The following HDHD5 variants were observed in gnomAD, a reference collection of about 807,000 sequenced individuals.
The protein encoded by HDHD5 is haloacid dehalogenase-like hydrolase domain-containing 5.
In HDHD5, 34 loss-of-function variants were observed where a neutral mutation model predicts 35.5. The ratio of observed to expected loss-of-function variants is 0.96; its 90% CI spans 0.73 to 1.28. HDHD5 has a LOEUF of 1.28. Ranked by LOEUF, HDHD5 falls within the 50% of genes most tolerant of loss-of-function variation. HDHD5 has a pLI of 0.00. For synonymous variants in HDHD5, 248 were observed against 240.6 expected (o/e 1.03, Z -0.29); for missense variants, 589 against 560.2 (o/e 1.05, Z -0.52).
upstream of HDHD5, chr22:17,159,579 G>A (rs1415977756): frequency 4.6e-6 from 2 of 430,392 alleles, no homozygotes; most frequent in African/African-American, 2.1e-5. Context: ...GCCCCAGGCC[G>A]GCCTCCCTCA....
At chr22:17,139,343 C>A (rs2061572864) in intron 6 of HDHD5, among the ~76,000 whole-genome samples, 1 of 152,140 alleles carries the variant, frequency 6.6e-6, no homozygotes, top group Non-Finnish European at 1.5e-5. Flanking sequence ...GTCTGGCCAA[C>A]ATGGTGAAAG....
intron 1 of HDHD5, chr22:17,158,849 C>T: frequency 4.0e-6 from 1 of 251,342 alleles, no homozygotes; most frequent in Non-Finnish European, 7.5e-6. Flanking sequence ...GACGCGGAAA[C>T]TGCCGGGAAG....
chr22:17,165,275 G>A (rs1293639755), exon 1 of HDHD5: 1 of 769,086 alleles, frequency 1.3e-6, no homozygotes, highest in Non-Finnish European at 2.4e-6. Context: ...TTAGGAGCCA[G>A]CTGGTCCACC....
intron 2 of HDHD5, 57 bp from the exon 3 acceptor site, chr22:17,148,617 T>C (rs2061692319): frequency 4.6e-6 from 6 of 1,316,478 alleles, no homozygotes; most frequent in Non-Finnish European, 6.6e-6. Flanking sequence ...TTGAGGGAAA[T>C]AATGAGACAG....
chr22:17,150,521 T>C (rs892504484), intron 1 of HDHD5, among the ~76,000 whole-genome samples: 2 of 119,668 alleles, frequency 1.7e-5, no homozygotes, highest in Non-Finnish European at 3.7e-5. Flanking sequence ...CTCTTGGCTG[T>C]CTTTTTTTTT....
Position 17,137,790 on chromosome 22 carries a change from A to T in HDHD5, c.*231T>A. The T allele has an allele frequency of 1.9e-6, 1 of 529,968 alleles. No homozygotes were observed. 32.8% of individuals were successfully genotyped at this position (529,968 alleles called of 1,614,324 possible). On this transcript the variant is annotated 3_prime_UTR_variant, in exon 8 of 8. Transcript: ENST00000336737. ...CTGAGGTTAGACTGCCACGAAAGGCACGTGGGAACTGGGCCCAGAAAATTC... is the reference window on the plus strand; with the variant it reads ...CTGAGGTTAGACTGCCACGAAAGGCTCGTGGGAACTGGGCCCAGAAAATTC...
intron 1 of HDHD5, among the ~76,000 whole-genome samples, chr22:17,152,006 G>A (rs375783487): frequency 6.6e-6 from 1 of 152,282 alleles, no homozygotes; most frequent in East Asian, 1.9e-4. Flanking sequence ...GCACCCCCCA[G>A]TCACCCCCAG....
upstream of HDHD5, chr22:17,159,379 C>T (rs568924613): frequency 1.2e-3 from 1,374 of 1,104,554 alleles, 5 homozygotes; most frequent in Non-Finnish European, 1.1e-3. Context: ...GCGCGCGGAG[C>T]CCGTCGGGCG....
chr22:17,154,281 G>A (rs995288967), intron 1 of HDHD5, among the ~76,000 whole-genome samples: 4 of 151,672 alleles, frequency 2.6e-5, no homozygotes, highest in South Asian at 2.1e-4. Flanking sequence ...TTGGGAGTTC[G>A]AGACCAGCCT....
chr22:17,148,682 G>A lies in HDHD5; in HGVS notation c.331-122C>T, dbSNP rs146347356. The A allele has an allele frequency of 2.8e-4, 203 of 732,458 alleles. No homozygotes were observed. In the African/African-American group the frequency reaches 3.2e-3, roughly 12 times the overall value. 45.4% of individuals were successfully genotyped at this position (732,458 alleles called of 1,614,324 possible). Reference sequence around the variant, plus strand: ...AAAACCCGCTCAGAAAAAGAACGGGGAGGAAAGCCCTTTCTAGCACCCAGC... The same window carrying A: ...AAAACCCGCTCAGAAAAAGAACGGGAAGGAAAGCCCTTTCTAGCACCCAGC... On this transcript the variant is annotated intron_variant, in intron 2 of 7. Coordinates refer to ENST00000336737, the MANE Select transcript of HDHD5 (RefSeq NM_033070.3).
rs572940796 is a variant in HDHD5, at chr22:17,152,331, T to C, written c.127-2586A>G. 1.5e-3 allele frequency among the ~76,000 whole-genome samples: 228 copies of C among 151,958 alleles called. 1 individual carries two copies. Among genetic ancestry groups the C allele is most frequent in the Non-Finnish European group, 2.0e-3 (136 of 68,010 alleles). On this transcript the variant is annotated intron_variant, in intron 1 of 7. Transcript: ENST00000336737. ...CAAATGCAACCCAAGACAGAGAAGA[T>C]GGAGCATTTACCTGGGAGAGTGGTG...
At chr22:17,159,420 G>C, upstream of HDHD5, 1 of 717,738 alleles carries the variant, frequency 1.4e-6, no homozygotes, top group Non-Finnish European at 2.2e-6. Context: ...GGCCAAAGGG[G>C]CTCCGTTGCA....
At chr22:17,163,506 G>A (rs1325481027), upstream of HDHD5, among the ~76,000 whole-genome samples, 1 of 152,120 alleles carries the variant, frequency 6.6e-6, no homozygotes, top group Non-Finnish European at 1.5e-5. Context: ...GTATGTTCTG[G>A]AGACCATACA....
intron 2 of HDHD5, among the ~76,000 whole-genome samples, chr22:17,149,299 CAT>C (rs2061699465): frequency 6.6e-6 from 1 of 152,172 alleles, no homozygotes; most frequent in Admixed American, 6.5e-5. Flanking sequence ...AAGTTCTAGA[CAT>C]GTGTGTGACC....
upstream of HDHD5, among the ~76,000 whole-genome samples, chr22:17,163,098 T>C (rs748309037): frequency 1.3e-5 from 2 of 152,254 alleles, no homozygotes; most frequent in Non-Finnish European, 2.9e-5. Context: ...TCTGAGTTTA[T>C]CCAGATTATG....
intron 1 of HDHD5, among the ~76,000 whole-genome samples, chr22:17,157,038 A>G (rs2123878031): frequency 6.6e-6 from 1 of 150,768 alleles, no homozygotes; most frequent in Non-Finnish European, 1.5e-5. Flanking sequence ...AGATGGCGCC[A>G]CTGCACTCCA....
intron 1 of HDHD5, among the ~76,000 whole-genome samples, chr22:17,153,066 T>C (rs1020546136): frequency 1.3e-5 from 2 of 152,174 alleles, no homozygotes; most frequent in African/African-American, 4.8e-5. Context: ...AGGAAATGCC[T>C]GGACAAATGG....
At position 17,138,672 on chromosome 22, in the gene HDHD5, C is replaced by A. The variant is rs770255454; in HGVS notation, c.813G>T (p.Leu271=). Residue 271 remains leucine (L), a synonymous_variant, in exon 7 of 8, where the codon CTG becomes CTT. Transcript: ENST00000336737. ...GTTTGCCCATCAGGCCCTCGTATCT[C>A]AGCTCCTTGCCCGTCACTTTCTGGT... The part of the protein sequence containing the change: ...TIYQKVTGKE[L]RYEGLMGKPS... 64 of 1,614,128 alleles carry A rather than the reference C, an allele frequency of 4.0e-5. No homozygotes were observed. The highest frequency in any genetic ancestry group is 1.6e-4 in the Middle Eastern group (1 of 6,084).
At position 17,138,755 on chromosome 22, in the gene HDHD5, C is replaced by T. The variant is rs755145077; in HGVS notation, c.747-17G>A. On this transcript the variant is annotated splice_polypyrimidine_tract_variant and intron_variant, in intron 6 of 7. Coordinates refer to ENST00000336737, the MANE Select transcript of HDHD5 (RefSeq NM_033070.3). ...TGTCCAAACCTGCCAGAAACGAGCA[C>T]GCAGCAGTTCAGTCTTCCTGATCTC... 1.4e-5 allele frequency: 22 copies of T among 1,613,830 alleles called. No homozygotes were observed. Among genetic ancestry groups the T allele is most frequent in the South Asian group, 2.2e-5 (2 of 91,068 alleles).
Sources: allele counts gnomAD v4.1 joint callset (sites outside exome capture counted in the v4.1 genomes callset), GRCh38; gene constraint gnomAD v4.1.1; transcripts MANE v1.5; gene names NCBI Gene and HGNC (gene_info 2026-07-23, HGNC 2026-07-21).